SEMA6D: variants seen among roughly 807,000 people sequenced by gnomAD.
SEMA6D encodes the protein semaphorin 6D.
A neutral mutation model predicts 106.6 loss-of-function variants in SEMA6D; 35 were observed. The ratio of observed to expected loss-of-function variants is 0.33; its 90% CI spans 0.25 to 0.44. SEMA6D has a LOEUF of 0.44. Among genes scored for constraint, SEMA6D ranks in the 20% least tolerant of loss-of-function variants. SEMA6D has a pLI of 1.00. For missense variants in SEMA6D, 1,185 were observed against 1,345.9 expected, an observed-to-expected ratio of 0.88 and a Z score of 1.87; for synonymous variants, 499 against 487.7, an observed-to-expected ratio of 1.02 and a Z score of -0.31.
chr15:47,258,773 A>G (rs1282724666), intron 1 of SEMA6D, among the ~76,000 whole-genome samples: 2 of 152,006 alleles, frequency 1.3e-5, no homozygotes, highest in African/African-American at 2.4e-5. Context: ...AATAAATATC[A>G]TACATATTTA....
upstream of SEMA6D, among the ~76,000 whole-genome samples, chr15:47,716,295 C>A (rs2079114210): frequency 6.6e-6 from 1 of 152,158 alleles, no homozygotes. Context: ...AGTCCTGCAG[C>A]AGTTGCTTGG....
chr15:47,348,125 T>C (rs1258271546), intron 1 of SEMA6D, among the ~76,000 whole-genome samples: 1 of 152,244 alleles, frequency 6.6e-6, no homozygotes, highest in African/African-American at 2.4e-5. Context: ...GGTATAAGGC[T>C]GAAATATTTG....
At chr15:47,708,513 C>G (rs1381676620) in intron 4 of SEMA6D, among the ~76,000 whole-genome samples, 1 of 152,184 alleles carries the variant, frequency 6.6e-6, no homozygotes, top group Non-Finnish European at 1.5e-5. Context: ...ATTTTCTCTA[C>G]CTCTGGATTT....
intron 7 of SEMA6D, 126 bp from the exon 8 acceptor site, chr15:47,762,074 T>C: frequency 9.8e-7 from 1 of 1,016,462 alleles, no homozygotes; most frequent in South Asian, 1.5e-5. Context: ...GAATCAGGTG[T>C]AGCCCTATTT....
At chr15:47,673,890 C>T (rs2078187972) in intron 4 of SEMA6D, among the ~76,000 whole-genome samples, 1 of 152,188 alleles carries the variant, frequency 6.6e-6, no homozygotes, top group Admixed American at 6.5e-5. Flanking sequence ...TAGGCTATGT[C>T]CTCAGGCTGT....
intron 1 of SEMA6D, among the ~76,000 whole-genome samples, chr15:47,344,893 C>T (rs371850015): frequency 1.3e-5 from 2 of 152,208 alleles, no homozygotes; most frequent in South Asian, 2.1e-4. Context: ...AGTCCAATTA[C>T]GTTTTTGTAT....
chr15:47,331,590 CAT>C (rs1192400174), intron 1 of SEMA6D, among the ~76,000 whole-genome samples: 5 of 152,026 alleles, frequency 3.3e-5, no homozygotes, highest in East Asian at 1.9e-4. Context: ...TATGCATAAA[CAT>C]GTGGGTGTGG....
chr15:47,526,008 C>A (rs1418486409), intron 3 of SEMA6D, among the ~76,000 whole-genome samples: 1 of 152,200 alleles, frequency 6.6e-6, no homozygotes, highest in Non-Finnish European at 1.5e-5. Flanking sequence ...GAGCCTCTAC[C>A]ACCTCCTCTT....
At chr15:47,416,580 G>T (rs993776490) in intron 2 of SEMA6D, among the ~76,000 whole-genome samples, 2 of 152,046 alleles carry the variant, frequency 1.3e-5, no homozygotes, top group East Asian at 1.9e-4. Context: ...GGCGGGTCTG[G>T]CTACGTCTAT....
chr15:47,312,850 T>C (rs1236164307), intron 1 of SEMA6D, among the ~76,000 whole-genome samples: 1 of 152,234 alleles, frequency 6.6e-6, no homozygotes, highest in Non-Finnish European at 1.5e-5. Flanking sequence ...TATATTTATA[T>C]ACTTATAGCA....
intron 3 of SEMA6D, among the ~76,000 whole-genome samples, chr15:47,542,210 T>C (rs1210011831): frequency 6.6e-6 from 1 of 152,158 alleles, no homozygotes; most frequent in Non-Finnish European, 1.5e-5. Context: ...TCAAGAAATA[T>C]TTTTCTCCAA....
intron 2 of SEMA6D, among the ~76,000 whole-genome samples, chr15:47,417,034 A>G (rs2040991610): frequency 6.6e-6 from 1 of 152,196 alleles, no homozygotes; most frequent in African/African-American, 2.4e-5. Flanking sequence ...AAAAATTGGG[A>G]CAGATTGAGA....
intron 1 of SEMA6D, among the ~76,000 whole-genome samples, chr15:47,308,274 G>A (rs1200269185): frequency 6.6e-6 from 1 of 152,070 alleles, no homozygotes; most frequent in Non-Finnish European, 1.5e-5. Flanking sequence ...ATTGTATGTT[G>A]TTGGATAAAT....
intron 2 of SEMA6D, among the ~76,000 whole-genome samples, chr15:47,424,465 A>G (rs281224): frequency 0.02 from 3,023 of 152,260 alleles, 111 homozygotes; most frequent in African/African-American, 0.068. Context: ...TTTGTCTACC[A>G]TAAGTGTCAG....
In SEMA6D at chr15:47,285,479, G is replaced by GA. The variant is rs556843611; in HGVS notation, c.-239+101071dup. ...AACAATTTGAAGAATATAGATGTTT[G>GA]AAAAAAAAAAGGGAAGGAGAAAGTA... is the stretch of plus-strand genomic sequence containing the variant. On this transcript the variant is annotated intron_variant, in intron 1 of 19. Transcript: ENST00000558014. Among the ~76,000 whole-genome samples, 211 of 145,760 alleles carry GA rather than the reference G, an allele frequency of 1.4e-3. 1 individual carries two copies. Among genetic ancestry groups the GA allele is most frequent in the South Asian group, 0.01 (46 of 4,580 alleles).
intron 2 of SEMA6D, among the ~76,000 whole-genome samples, chr15:47,424,686 A>G (rs1479111178): frequency 1.3e-5 from 2 of 152,148 alleles, no homozygotes; most frequent in Non-Finnish European, 2.9e-5. Flanking sequence ...TGATGTAGGT[A>G]GAATAAGTTT....
chr15:47,307,251 A>G (rs371340720), intron 1 of SEMA6D, among the ~76,000 whole-genome samples: 1 of 152,244 alleles, frequency 6.6e-6, no homozygotes, highest in African/African-American at 2.4e-5. Flanking sequence ...GTTACTGCAC[A>G]TTCATATTAA....
chr15:47,188,815 C>G (rs553076888), intron 1 of SEMA6D, among the ~76,000 whole-genome samples: 5 of 152,234 alleles, frequency 3.3e-5, no homozygotes, highest in Non-Finnish European at 7.4e-5. Context: ...ATTGCAAATG[C>G]TGAGGTGACA....
At chr15:47,617,909 A>C (rs1311733730) in intron 4 of SEMA6D, among the ~76,000 whole-genome samples, 1 of 152,166 alleles carries the variant, frequency 6.6e-6, no homozygotes, top group East Asian at 1.9e-4. Flanking sequence ...TCCAACTGAT[A>C]TTTCACTGGG....
Sources: gnomAD v4.1 joint callset for allele counts (sites outside exome capture counted in the v4.1 genomes callset) on GRCh38, gnomAD v4.1.1 for gene constraint, MANE v1.5 for transcripts, NCBI Gene and HGNC (gene_info 2026-07-23, HGNC 2026-07-21) for gene names.